STRN3: variants seen among roughly 807,000 people sequenced by gnomAD.
The protein encoded by STRN3 is striatin 3.
In STRN3, 29 loss-of-function variants were observed where a neutral mutation model predicts 95.6. The observed-to-expected ratio is 0.30, with a 90% confidence interval of 0.23 to 0.41. The LOEUF (loss-of-function observed/expected upper bound fraction) is 0.41, where lower values mean the gene tolerates loss of function less well. Among genes scored for constraint, STRN3 ranks in the 10% least tolerant of loss-of-function variants. The pLI is 1.00. For missense variants in STRN3, 890 were observed against 972.1 expected (o/e 0.92, Z 1.12); for synonymous variants, 331 against 357.6 (o/e 0.93, Z 0.84).
intron 3 of STRN3, among the ~76,000 whole-genome samples, chr14:30,955,046 G>T (rs972090563): frequency 6.6e-6 from 1 of 152,020 alleles, no homozygotes; most frequent in Non-Finnish European, 1.5e-5. Context: ...TTCTGTTCCT[G>T]ATTTTTGCTT....
chr14:31,020,204 A>G (rs970603786), intron 1 of STRN3, among the ~76,000 whole-genome samples: 2 of 152,202 alleles, frequency 1.3e-5, no homozygotes, highest in African/African-American at 4.8e-5. Context: ...AACCATATAG[A>G]AAGTGTTCAA....
intron 4 of STRN3, among the ~76,000 whole-genome samples, chr14:30,949,684 CA>C (rs71112358): frequency 2.7e-5 from 4 of 147,814 alleles, no homozygotes; most frequent in Admixed American, 6.7e-5. Context: ...ACTCCGTTTC[CA>C]AAAAAAAAAA....
chr14:30,929,964 A>AAAAAAAAAAAAAAAAAAAAAAAAAAAAAT (rs1878421314), intron 7 of STRN3, among the ~76,000 whole-genome samples: 1 of 147,224 alleles, frequency 6.8e-6, no homozygotes, highest in Non-Finnish European at 1.5e-5. Context: ...CAAAAAAAAA[A>AAAAAAAAAAAAAAAAAAAAAAAAAAAAAT]AAAAAAAAAA....
rs1344656839 is a variant in STRN3, at chr14:31,026,217, G to T, written c.-32C>A. On this transcript the variant is annotated 5_prime_UTR_variant, in exon 1 of 18. Transcript: ENST00000357479. The stretch of plus-strand genomic sequence containing the variant: ...TGGGGCCCCGGCCGGGGCGCAGGGC[G>T]AGACGCCGACAGCTGGGGGAAGGGC... 7.2e-7 allele frequency: 1 copy of T among 1,385,570 alleles called. No individual in the cohort carries two copies. Among genetic ancestry groups the T allele is most frequent in the Non-Finnish European group, 9.3e-7 (1 of 1,078,836 alleles). The allele number at this position is 1,385,570 out of a possible 1,614,324, so 85.8% of individuals were successfully genotyped here.
chr14:30,981,603 CACA>C (rs1881402624), intron 1 of STRN3, among the ~76,000 whole-genome samples: 2 of 151,824 alleles, frequency 1.3e-5, no homozygotes, highest in African/African-American at 4.8e-5. Context: ...CACACACACA[CACA>C]CCCCATAATT....
intron 1 of STRN3, among the ~76,000 whole-genome samples, chr14:31,019,136 C>A (rs1353727182): frequency 2.0e-5 from 3 of 152,028 alleles, no homozygotes; most frequent in Admixed American, 2.0e-4. Context: ...CATAGAAAGA[C>A]CCTGTCTCTA....
intron 1 of STRN3, among the ~76,000 whole-genome samples, chr14:30,961,728 C>T (rs572398471): frequency 3.3e-5 from 5 of 152,176 alleles, no homozygotes; most frequent in Non-Finnish European, 7.3e-5. Context: ...CTCAGGTGAT[C>T]CTCCTGCTTC....
intron 7 of STRN3, among the ~76,000 whole-genome samples, chr14:30,933,331 T>C (rs979441662): frequency 2.4e-5 from 3 of 125,052 alleles, no homozygotes; most frequent in Non-Finnish European, 3.4e-5. Flanking sequence ...ATGTATTAAG[T>C]GAAAAGTGTG....
chr14:30,934,883 G>A (rs1402722425), intron 7 of STRN3, among the ~76,000 whole-genome samples: 1 of 151,952 alleles, frequency 6.6e-6, no homozygotes, highest in Non-Finnish European at 1.5e-5. Context: ...TGACTAAAGG[G>A]AAAGAAATTG....
At chr14:31,023,241 T>G (rs1355199178) in intron 1 of STRN3, among the ~76,000 whole-genome samples, 1 of 152,184 alleles carries the variant, frequency 6.6e-6, no homozygotes, top group East Asian at 1.9e-4. Context: ...GGACTGTCTG[T>G]GGAATTTTGG....
chr14:30,987,149 G>A (rs1470635091), intron 1 of STRN3, among the ~76,000 whole-genome samples: 1 of 152,108 alleles, frequency 6.6e-6, no homozygotes, highest in Non-Finnish European at 1.5e-5. Flanking sequence ...ATAAAGAACA[G>A]TAAAACTCCA....
chr14:30,904,758 GAAGTA>G (rs912116868), intron 15 of STRN3, among the ~76,000 whole-genome samples: 9 of 151,970 alleles, frequency 5.9e-5, no homozygotes, highest in Non-Finnish European at 7.4e-5. Flanking sequence ...AATTACTTAT[GAAGTA>G]AAGTTGCCAA....
At position 31,026,309 on chromosome 14, in the gene STRN3, G is replaced by T. The variant is rs1883928594; in HGVS notation, c.-124C>A. On this transcript the variant is annotated 5_prime_UTR_variant, in exon 1 of 18. Transcript: ENST00000357479. Reference sequence around the variant, plus strand: ...CCGGGAGAGGGGCGGGGAAGGGGTCGTTGCTGTGTGCCTGCCGTGGGTCAG... The same window carrying T: ...CCGGGAGAGGGGCGGGGAAGGGGTCTTTGCTGTGTGCCTGCCGTGGGTCAG... 2 of 1,067,914 alleles carry T rather than the reference G, an allele frequency of 1.9e-6. No homozygotes were observed. The highest frequency in any genetic ancestry group is 2.3e-5 in the South Asian group (1 of 44,030). The allele number at this position is 1,067,914 out of a possible 1,614,324, so 66.2% of individuals were successfully genotyped here.
chr14:30,992,902 C>A (rs1882031138), intron 1 of STRN3, among the ~76,000 whole-genome samples: 1 of 152,114 alleles, frequency 6.6e-6, no homozygotes. Context: ...GTTGCCTAGG[C>A]TGGTCTCAAA....
rs777349156 is a variant in STRN3 at position 30,902,622 on chromosome 14, A to G, written c.2051T>C (p.Ile684Thr). ...TGTGGGATGACTTACTACTCTGTTG[A>G]TATGATTATTAGATTGTAAACCTGA... is the stretch of plus-strand genomic sequence containing the variant. Reference protein sequence around the residue: ...VDSGLQSNNHINRVVSHPTLP... With the variant: ...VDSGLQSNNHTNRVVSHPTLP... Residue 684 changes from isoleucine (I) to threonine (T), a missense_variant, in exon 16 of 18, where the codon ATC becomes ACC. Physicochemically the swap from Ile to Thr is moderately conservative, Grantham distance 89 (BLOSUM62 -1). Coordinates refer to ENST00000357479, the MANE Select transcript of STRN3 (RefSeq NM_001083893.2). The G allele has an allele frequency of 2.5e-6, 4 of 1,600,354 alleles. No homozygotes were observed. The highest frequency in any genetic ancestry group is 3.5e-5 in the Admixed American group (2 of 57,764).
chr14:31,009,604 A>ATTTT (rs34490042), intron 1 of STRN3, among the ~76,000 whole-genome samples: 5 of 144,672 alleles, frequency 3.5e-5, no homozygotes, highest in Non-Finnish European at 6.0e-5. Flanking sequence ...ACCATTGCCA[A>ATTTT]TTTTTTTTTT....
At chr14:30,931,416 G>A (rs1001485999) in intron 7 of STRN3, among the ~76,000 whole-genome samples, 1 of 152,050 alleles carries the variant, frequency 6.6e-6, no homozygotes, top group Non-Finnish European at 1.5e-5. Context: ...ATATGCGTAA[G>A]AAAGTTGACT....
At chr14:31,000,985 G>A (rs179697) in intron 1 of STRN3, among the ~76,000 whole-genome samples, 151,806 of 152,334 alleles carry the variant, frequency 1, 75,646 homozygotes, top group Non-Finnish European at 1. Flanking sequence ...ACCAGATAGG[G>A]TTCTATTGTC....
rs75204146 is a variant in STRN3 at position 30,934,100 on chromosome 14, C to G, written c.988+1063G>C. Among the ~76,000 whole-genome samples the G allele has an allele frequency of 3.2e-4, 48 of 152,024 alleles. 1 individual carries two copies. Among genetic ancestry groups the G allele is most frequent in the Admixed American group, 3.1e-3 (48 of 15,252 alleles). Reference sequence around the variant, plus strand: ...CAGTACTTTGGGAGGCCAAGGCGGGCGGATCGCGATGTCAAGAGATCGAGA... The same window carrying G: ...CAGTACTTTGGGAGGCCAAGGCGGGGGGATCGCGATGTCAAGAGATCGAGA... On this transcript the variant is annotated intron_variant, in intron 7 of 17. Transcript: ENST00000357479.
Sources: gnomAD v4.1 joint callset for allele counts (sites outside exome capture counted in the v4.1 genomes callset) on GRCh38, gnomAD v4.1.1 for gene constraint, MANE v1.5 for transcripts, NCBI Gene and HGNC (gene_info 2026-07-23, HGNC 2026-07-21) for gene names.